The following ELP2 variants were observed in gnomAD, a reference collection of about 807,000 sequenced individuals.
ELP2 encodes elongator complex protein 2.
Under a neutral mutation model 119.2 loss-of-function variants are expected in ELP2, and 90 were observed. That is an observed-to-expected ratio of 0.75 (90% CI 0.64 to 0.90). The LOEUF (loss-of-function observed/expected upper bound fraction) is 0.90, where lower values mean the gene tolerates loss of function less well. Among genes scored for constraint, ELP2 ranks in the 40% least tolerant of loss-of-function variants. ELP2 has a pLI of 0.00. For synonymous variants in ELP2, 339 were observed against 331.0 expected (o/e 1.02, Z -0.26); for missense variants, 921 against 967.8 (o/e 0.95, Z 0.64).
intron 11 of ELP2, among the ~76,000 whole-genome samples, chr18:36,149,520 G>T (rs1360918981): frequency 9.3e-6 from 1 of 107,030 alleles, no homozygotes; most frequent in Non-Finnish European, 1.7e-5. Flanking sequence ...AATCATCCCT[G>T]CTGTTCCAGT....
chr18:36,154,812 G>T, intron 11 of ELP2, 38 bp from the exon 12 acceptor site: 2 of 1,612,554 alleles, frequency 1.2e-6, no homozygotes, highest in South Asian at 2.2e-5. Flanking sequence ...GGTAGTCTTT[G>T]AGTATTTTGA....
At chr18:36,173,968 CA>C (rs1159784911) in intron 21 of ELP2, among the ~76,000 whole-genome samples, 3 of 152,270 alleles carry the variant, frequency 2.0e-5, no homozygotes, top group East Asian at 3.9e-4. Context: ...AGTTAGAGGT[CA>C]CACTGGAGAC....
At chr18:36,149,489 T>G (rs529995624) in intron 11 of ELP2, among the ~76,000 whole-genome samples, 2 of 139,826 alleles carry the variant, frequency 1.4e-5, no homozygotes, top group African/African-American at 5.3e-5. Context: ...TTTTGTTTTG[T>G]TTTTTTTTTT....
At position 36,144,984 on chromosome 18, in the gene ELP2, G is replaced by A. The variant is rs776494066; in HGVS notation, c.842G>A (p.Gly281Asp). The A allele has an allele frequency of 6.2e-7, 1 of 1,614,014 alleles. No homozygotes were observed. The highest frequency in any genetic ancestry group is 8.5e-7 in the Non-Finnish European group (1 of 1,179,916). Residue 281 changes from glycine to aspartate, a missense_variant, in exon 9 of 22, where the codon GGT (glycine) becomes GAT (aspartate). Transcript: ENST00000358232. ...FAVTLETVLA[G>D]HENWVNAVHW... ...GTTACTCTGGAGACAGTGCTAGCCGGTCATGAAAACTGGGTAAATGCAGTT... is the reference window on the plus strand; with the variant it reads ...GTTACTCTGGAGACAGTGCTAGCCGATCATGAAAACTGGGTAAATGCAGTT...
intron 2 of ELP2, among the ~76,000 whole-genome samples, chr18:36,134,902 A>T (rs928146819): frequency 1.3e-5 from 2 of 152,190 alleles, no homozygotes; most frequent in African/African-American, 4.8e-5. Context: ...GGGCATTTTG[A>T]GCCAGGCACA....
At position 36,174,921 on chromosome 18, in the gene ELP2, C is replaced by T. The variant is rs751565286; in HGVS notation, c.*280C>T. On this transcript the variant is annotated 3_prime_UTR_variant, in exon 22 of 22. Transcript: ENST00000358232. Reference sequence around the variant, plus strand: ...TTGGCCAGGCGGGTCTCAAACTCCTCGTCTCAGGTGATCTGCTTGCCTCGG... The same window carrying T: ...TTGGCCAGGCGGGTCTCAAACTCCTTGTCTCAGGTGATCTGCTTGCCTCGG... 7.7e-5 allele frequency: 28 copies of T among 364,296 alleles called. No individual in the cohort carries two copies. Among genetic ancestry groups the T allele is most frequent in the Non-Finnish European group, 1.1e-4 (22 of 192,306 alleles). The allele number at this position is 364,296 out of a possible 1,614,324, so 22.6% of individuals were successfully genotyped here.
chr18:36,136,970 GTATTTTCAATAGAT>G (rs1323253019), intron 3 of ELP2, among the ~76,000 whole-genome samples: 1 of 151,790 alleles, frequency 6.6e-6, no homozygotes, highest in African/African-American at 2.4e-5. Context: ...TGTGAAATGA[GTATTTTCAATAGAT>G]TTAGTTTTTT....
At position 36,143,929 on chromosome 18, in the gene ELP2, C is replaced by T. The variant is rs895661617; in HGVS notation, c.796+963C>T. 4.6e-5 allele frequency among the ~76,000 whole-genome samples: 7 copies of T among 152,260 alleles called. 1 individual carries two copies. Among genetic ancestry groups the T allele is most frequent in the Admixed American group, 1.3e-4 (2 of 15,286 alleles). On this transcript the variant is annotated intron_variant, in intron 8 of 21. Transcript: ENST00000358232. ...TTATTGGCCTATGATAAAAGACAAG[C>T]TAAATCTCACCATTTGAGTAGTATA...
chr18:36,148,463 T>C (rs1223068852), intron 11 of ELP2, among the ~76,000 whole-genome samples: 1 of 152,082 alleles, frequency 6.6e-6, no homozygotes, highest in African/African-American at 2.4e-5. Flanking sequence ...GTGAAGACTG[T>C]AACAAGGGCT....
At position 36,133,238 on chromosome 18, in the gene ELP2, A is replaced by G; in HGVS notation, c.139A>G (p.Lys47Glu). Residue 47 changes from lysine (K) to glutamate (E), a missense_variant and splice_region_variant, in exon 2 of 22, where the codon AAA (lysine) becomes GAA (glutamate). Physicochemically the swap from Lys to Glu is moderately conservative, Grantham distance 56. Coordinates refer to ENST00000358232, the MANE Select transcript of ELP2 (RefSeq NM_018255.4). ...SCSVVLYDPLKRVVVTNLNGH... is the reference protein window; with the variant it reads ...SCSVVLYDPLERVVVTNLNGH... The stretch of plus-strand genomic sequence containing the variant: ...ACTAACTGTATTTTCTTCTCTAAAG[A>G]AAAGGGTTGTTGTTACCAACTTGAA... 1 of 1,609,696 alleles carries G rather than the reference A, an allele frequency of 6.2e-7. No homozygotes were observed. Among genetic ancestry groups the G allele is most frequent in the Non-Finnish European group, 8.5e-7 (1 of 1,176,040 alleles).
At position 36,130,194 on chromosome 18, in the gene ELP2, C is replaced by T. The variant is rs1310316396; in HGVS notation, c.138+123C>T. 3 of 1,345,192 alleles carry T rather than the reference C, an allele frequency of 2.2e-6. No homozygotes were observed. In the East Asian group the frequency reaches 7.0e-5, roughly 31 times the overall value. 83.3% of individuals were successfully genotyped at this position (1,345,192 alleles called of 1,614,324 possible). On this transcript the variant is annotated intron_variant, in intron 1 of 21. Transcript: ENST00000358232. ...GGCGAGTCGGGTCGGCTCAGGGGAG[C>T]GGGGTTTGGGCTCGGAGTCTCCAGT...
At chr18:36,130,477 T>G (rs9958282) in intron 1 of ELP2, among the ~76,000 whole-genome samples, 4 of 152,036 alleles carry the variant, frequency 2.6e-5, no homozygotes, top group Non-Finnish European at 5.9e-5. Flanking sequence ...TTCCTTCAGT[T>G]TTGGTTAATG....
At chr18:36,160,657 A>G (rs562224795) in intron 16 of ELP2, among the ~76,000 whole-genome samples, 1 of 151,686 alleles carries the variant, frequency 6.6e-6, no homozygotes, top group African/African-American at 2.4e-5. Flanking sequence ...AGACTTTTCC[A>G]TGTTTTATTG....
At chr18:36,147,038 A>C (rs2090229065) in intron 11 of ELP2, among the ~76,000 whole-genome samples, 1 of 150,024 alleles carries the variant, frequency 6.7e-6, no homozygotes, top group African/African-American at 2.5e-5. Flanking sequence ...TGAGGACATT[A>C]GTTAATCCCT....
intron 11 of ELP2, among the ~76,000 whole-genome samples, chr18:36,149,766 A>T (rs559007933): frequency 6.6e-6 from 1 of 152,158 alleles, no homozygotes; most frequent in African/African-American, 2.4e-5. Context: ...AGTTCCACTC[A>T]TGTTGAGTGT....
chr18:36,173,459 A>G (rs992924502), intron 21 of ELP2, among the ~76,000 whole-genome samples: 1 of 152,240 alleles, frequency 6.6e-6, no homozygotes, highest in African/African-American at 2.4e-5. Flanking sequence ...TTCAACAGTC[A>G]GATTCATCCT....
At position 36,170,052 on chromosome 18, in the gene ELP2, G is replaced by C. The variant is rs769769072; in HGVS notation, c.2077-11G>C. 1.4e-5 allele frequency: 23 copies of C among 1,614,068 alleles called. No individual in the cohort carries two copies. Among genetic ancestry groups the C allele is most frequent in the Non-Finnish European group, 1.9e-5 (22 of 1,180,032 alleles). On this transcript the variant is annotated splice_polypyrimidine_tract_variant and intron_variant, in intron 19 of 21. Coordinates refer to ENST00000358232, the MANE Select transcript of ELP2 (RefSeq NM_018255.4). ...GAGAAGGCTTTACAGTGTGTGATCT[G>C]TCTGTATTAGGTGGTTGTCTGGGGT... is the stretch of plus-strand genomic sequence containing the variant.
intron 13 of ELP2, 111 bp downstream of exon 13, chr18:36,156,765 TG>T: frequency 1.0e-6 from 1 of 982,822 alleles, no homozygotes; most frequent in Non-Finnish European, 1.5e-6. Context: ...AAAGTAATAT[TG>T]TTTCTTAATG....
rs2090412863 is a variant in ELP2 at position 36,151,810 on chromosome 18, A to C, written c.1126-3040A>C. Among the ~76,000 whole-genome samples, 3 of 138,644 alleles carry C rather than the reference A, an allele frequency of 2.2e-5. No individual in the cohort carries two copies. The South Asian group carries it at 6.8e-4, about 31-fold the overall frequency. 91.0% of individuals were successfully genotyped at this position (138,644 alleles called of 152,430 possible). On this transcript the variant is annotated intron_variant, in intron 11 of 21. Transcript: ENST00000358232. ...GTTGCCCAGGCTGGAGTGCAATGGC[A>C]TGATCTTGGCTCACTGCACTCTCGC...
Sources: allele counts gnomAD v4.1 joint callset (sites outside exome capture counted in the v4.1 genomes callset), GRCh38; gene constraint gnomAD v4.1.1; transcripts MANE v1.5; gene names NCBI Gene and HGNC (gene_info 2026-07-23, HGNC 2026-07-21).